TMOD3: variants seen among roughly 807,000 people sequenced by gnomAD.
TMOD3 encodes the protein tropomodulin-3.
TMOD3 carries 20 observed loss-of-function variants against 39.2 expected under a neutral mutation model. The observed-to-expected ratio is 0.51, with a 90% CI of 0.36 to 0.74. TMOD3 has a LOEUF of 0.74. TMOD3 is among the 30% of genes least tolerant of loss of function. The probability of loss-of-function intolerance (pLI) is 0.00; values close to 1 mark genes in which losing one functional copy is unlikely to be tolerated. For synonymous variants in TMOD3, 143 were observed against 145.8 expected (o/e 0.98, Z 0.14); for missense variants, 381 against 412.8 (o/e 0.92, Z 0.67).
chr15:51,880,113 A>C (rs1179423814), intron 3 of TMOD3, among the ~76,000 whole-genome samples: 1 of 152,178 alleles, frequency 6.6e-6, no homozygotes, highest in Non-Finnish European at 1.5e-5. Context: ...TGTCATATGA[A>C]ATTATTCCAG....
intron 5 of TMOD3, among the ~76,000 whole-genome samples, chr15:51,891,643 C>A (rs922716926): frequency 6.6e-6 from 1 of 152,114 alleles, no homozygotes; most frequent in Non-Finnish European, 1.5e-5. Flanking sequence ...CTTAAGATTT[C>A]TCTCCCCATT....
chr15:51,860,523 C>T, intron 1 of TMOD3: 1 of 575,916 alleles, frequency 1.7e-6, no homozygotes. Flanking sequence ...TGAAGACAAG[C>T]AGTCTTCCAT....
intron 7 of TMOD3, among the ~76,000 whole-genome samples, chr15:51,897,081 C>T (rs2056624413): frequency 6.6e-6 from 1 of 152,230 alleles, no homozygotes; most frequent in African/African-American, 2.4e-5. Context: ...ATATCACTCA[C>T]TCCCTTGGGG....
rs76801203 is a variant in TMOD3, at chr15:51,832,577, G to A, written c.-75+2741G>A. ...CCGGATGTGGTGGCACGCTTCTGTG[G>A]TACCAGCCACTTGGGAGACTGAGGC... On this transcript the variant is annotated intron_variant, in intron 1 of 9. Coordinates refer to ENST00000308580, the MANE Select transcript of TMOD3 (RefSeq NM_014547.5). Among the ~76,000 whole-genome samples, 49 of 152,058 alleles carry A rather than the reference G, an allele frequency of 3.2e-4. 1 individual carries two copies. The East Asian group carries it at 8.0e-3, about 25-fold the overall frequency.
At chr15:51,833,932 T>C (rs1012542228) in intron 1 of TMOD3, among the ~76,000 whole-genome samples, 1 of 152,244 alleles carries the variant, frequency 6.6e-6, no homozygotes, top group Admixed American at 6.5e-5. Context: ...GTATTTTTAG[T>C]GTTGCCAATG....
At chr15:51,886,678 G>T (rs1470896795) in intron 3 of TMOD3, among the ~76,000 whole-genome samples, 1 of 152,010 alleles carries the variant, frequency 6.6e-6, no homozygotes, top group African/African-American at 2.4e-5. Flanking sequence ...GAGGGAGAGG[G>T]AGACCTTGGG....
chr15:51,884,598 G>A (rs1304353556), intron 3 of TMOD3: 3 of 151,972 alleles, frequency 2.0e-5, no homozygotes, highest in Non-Finnish European at 4.4e-5. Context: ...ATTGATCACA[G>A]TTACAGATTT....
chr15:51,908,641 T>C (rs1595916006), intron 9 of TMOD3, 135 bp from the exon 10 acceptor site: 1 of 469,096 alleles, frequency 2.1e-6, no homozygotes, highest in Non-Finnish European at 3.6e-6. Flanking sequence ...TTAGTGGTCA[T>C]GTGAACTGGA....
At chr15:51,901,705 T>C (rs1486396140) in intron 8 of TMOD3, among the ~76,000 whole-genome samples, 187 bp from the exon 9 acceptor site, 3 of 152,032 alleles carry the variant, frequency 2.0e-5, no homozygotes, top group African/African-American at 4.8e-5. Context: ...TGACCAGTTT[T>C]CTACAACAAA....
At chr15:51,894,004 G>C in intron 6 of TMOD3, 59 bp downstream of exon 6, 2 of 1,406,934 alleles carry the variant, frequency 1.4e-6, no homozygotes, top group Non-Finnish European at 9.4e-7. Flanking sequence ...CCTAGGATGA[G>C]AGCTGGGCAG....
intron 3 of TMOD3, among the ~76,000 whole-genome samples, chr15:51,885,599 G>A (rs1305675662): frequency 6.6e-6 from 1 of 152,138 alleles, no homozygotes; most frequent in Non-Finnish European, 1.5e-5. Flanking sequence ...GAGAACACGG[G>A]GTTGGGGGCA....
intron 3 of TMOD3, among the ~76,000 whole-genome samples, 184 bp downstream of exon 3, chr15:51,869,557 GTTTC>G (rs1357172652): frequency 1.3e-5 from 2 of 152,120 alleles, no homozygotes; most frequent in Non-Finnish European, 2.9e-5. Flanking sequence ...TGGTCAATAA[GTTTC>G]TTCTTAATGA....
chr15:51,896,571 G>C, intron 7 of TMOD3, 45 bp downstream of exon 7: 1 of 1,391,218 alleles, frequency 7.2e-7, no homozygotes, highest in Non-Finnish European at 1.0e-6. Flanking sequence ...CATGCCCAGG[G>C]TGTGTTACAG....
At chr15:51,853,749 C>T (rs928046748) in intron 1 of TMOD3, among the ~76,000 whole-genome samples, 2 of 148,362 alleles carry the variant, frequency 1.3e-5, no homozygotes, top group Middle Eastern at 3.2e-3. Context: ...TTTGAGGCTG[C>T]GCCACTGCAC....
At chr15:51,861,148 G>T in intron 1 of TMOD3, 1 of 502,964 alleles carries the variant, frequency 2.0e-6, no homozygotes. Flanking sequence ...TCCTTGAAAA[G>T]GGCTCTTTCC....
intron 6 of TMOD3, among the ~76,000 whole-genome samples, chr15:51,894,265 C>T (rs1336132141): frequency 1.3e-5 from 2 of 151,994 alleles, no homozygotes; most frequent in Non-Finnish European, 2.9e-5. Flanking sequence ...AAATTCGGTT[C>T]CTTAGCCAGG....
At chr15:51,905,800 T>A (rs555202593) in intron 9 of TMOD3, among the ~76,000 whole-genome samples, 1 of 151,530 alleles carries the variant, frequency 6.6e-6, no homozygotes, top group Admixed American at 6.6e-5. Flanking sequence ...AAAAATTAGC[T>A]GGGCGCGGTG....
At chr15:51,867,831 G>A (rs1595898385) in intron 2 of TMOD3, among the ~76,000 whole-genome samples, 1 of 152,176 alleles carries the variant, frequency 6.6e-6, no homozygotes, top group Admixed American at 6.5e-5. Context: ...TACTCACTTT[G>A]TCTAGTCAGC....
chr15:51,898,246 A>G (rs1453660826), intron 7 of TMOD3, among the ~76,000 whole-genome samples: 2 of 152,182 alleles, frequency 1.3e-5, no homozygotes, highest in East Asian at 3.8e-4. Context: ...CAGGGCCTGT[A>G]CATTTGTTCC....
Sources: allele counts gnomAD v4.1 joint callset (sites outside exome capture counted in the v4.1 genomes callset), GRCh38; gene constraint gnomAD v4.1.1; transcripts MANE v1.5; gene names NCBI Gene and HGNC (gene_info 2026-07-23, HGNC 2026-07-21).